Variants in ARID4B observed in about 807,000 individuals in gnomAD.
ARID4B encodes AT-rich interactive domain-containing protein 4B.
Under a neutral mutation model 147.5 loss-of-function variants are expected in ARID4B, and 26 were observed. That is an observed-to-expected ratio of 0.18 (90% CI 0.13 to 0.24). The LOEUF (loss-of-function observed/expected upper bound fraction) is 0.24, where lower values mean the gene tolerates loss of function less well. Among genes scored for constraint, ARID4B ranks in the 10% least tolerant of loss-of-function variants. The pLI, the probability that ARID4B is intolerant of heterozygous loss-of-function variation, is 1.00. For synonymous variants in ARID4B, 512 were observed against 507.9 expected (o/e 1.01, Z -0.11); for missense variants, 1,179 against 1,511.5 (o/e 0.78, Z 3.65).
intron 23 of ARID4B, among the ~76,000 whole-genome samples, chr1:235,169,366 C>A (rs1300534918): frequency 1.4e-5 from 2 of 144,390 alleles, no homozygotes; most frequent in Non-Finnish European, 3.0e-5. Context: ...TCAGCCCCCC[C>A]AGTAGCTGGG....
chr1:235,269,934 T>G (rs1264701245), intron 2 of ARID4B, among the ~76,000 whole-genome samples: 3 of 152,138 alleles, frequency 2.0e-5, no homozygotes, highest in African/African-American at 7.2e-5. Flanking sequence ...ATTTTTGTTT[T>G]TGTTTTTTGT....
intron 2 of ARID4B, among the ~76,000 whole-genome samples, chr1:235,309,283 CGCCCCA>C (rs1673837932): frequency 6.8e-6 from 1 of 146,636 alleles, no homozygotes; most frequent in African/African-American, 2.5e-5. Flanking sequence ...GCCCGGCAGC[CGCCCCA>C]TCTGAGAAGT....
At chr1:235,323,907 G>GTTT (rs1054376468) in intron 2 of ARID4B, among the ~76,000 whole-genome samples, 1 of 143,222 alleles carries the variant, frequency 7.0e-6, no homozygotes. Flanking sequence ...ATTTTATTTA[G>GTTT]TTTTTTTTTT....
chr1:235,314,029 A>G (rs915165976), intron 2 of ARID4B, among the ~76,000 whole-genome samples: 2 of 152,220 alleles, frequency 1.3e-5, no homozygotes, highest in African/African-American at 4.8e-5. Context: ...AATAGCTACA[A>G]TGTATTGAGA....
intron 23 of ARID4B, among the ~76,000 whole-genome samples, chr1:235,171,823 G>C (rs571033320): frequency 2.0e-5 from 3 of 152,056 alleles, no homozygotes; most frequent in Admixed American, 2.0e-4. Flanking sequence ...GTATTTTTTA[G>C]TAGAGACGGG....
chr1:235,301,066 T>A, intron 2 of ARID4B, among the ~76,000 whole-genome samples: 2 of 134,828 alleles, frequency 1.5e-5, no homozygotes, highest in Non-Finnish European at 3.2e-5. Context: ...TTTTTTTTAG[T>A]ATACAGACAG....
rs1664357416 is a variant in ARID4B, at chr1:235,182,158, C to T, written c.2761G>A (p.Ala921Thr). 1 of 1,614,126 alleles carries T rather than the reference C, an allele frequency of 6.2e-7. No individual in the cohort carries two copies. The highest frequency in any genetic ancestry group is 8.5e-7 in the Non-Finnish European group (1 of 1,180,012). The change falls in exon 20 of 24, where the codon GCC (alanine) becomes ACC (threonine). Residue 921 changes from alanine to threonine, a missense_variant. Ala to Thr is a moderately conservative substitution (Grantham distance 58, BLOSUM62 0). Coordinates refer to ENST00000264183, the MANE Select transcript of ARID4B (RefSeq NM_016374.6). The stretch of plus-strand genomic sequence containing the variant: ...GACCAGACATCTTTTCGATCTTTGG[C>T]CCTGCTGTTTTGAAGTCTTTCATCA... Reference protein sequence around the residue: ...NSDERLQNSRAKDRKDVWSSI... With the variant: ...NSDERLQNSRTKDRKDVWSSI...
At chr1:235,286,233 T>C (rs560341687) in intron 2 of ARID4B, among the ~76,000 whole-genome samples, 5 of 152,300 alleles carry the variant, frequency 3.3e-5, no homozygotes, top group Admixed American at 2.6e-4. Flanking sequence ...AGGGTCTCAC[T>C]ATGTTACCCA....
intron 2 of ARID4B, among the ~76,000 whole-genome samples, chr1:235,309,549 TG>T (rs1287172124): frequency 7.3e-5 from 10 of 136,468 alleles, no homozygotes; most frequent in Admixed American, 6.6e-4. Flanking sequence ...GGGAGGGAGG[TG>T]GGGGGGTCAG....
intron 17 of ARID4B, among the ~76,000 whole-genome samples, chr1:235,207,160 A>C (rs1666360499): frequency 6.6e-6 from 1 of 152,216 alleles, no homozygotes; most frequent in Non-Finnish European, 1.5e-5. Context: ...TCTTGTTTCT[A>C]TCTCTCAGTA....
chr1:235,290,299 G>A (rs893819017), intron 2 of ARID4B, among the ~76,000 whole-genome samples: 2 of 151,538 alleles, frequency 1.3e-5, no homozygotes, highest in Admixed American at 6.6e-5. Flanking sequence ...AAAACTTAGC[G>A]GGGCATGGTG....
chr1:235,310,696 C>A (rs1673986039), intron 2 of ARID4B, among the ~76,000 whole-genome samples: 1 of 152,150 alleles, frequency 6.6e-6, no homozygotes, highest in African/African-American at 2.4e-5. Flanking sequence ...AAAACGGGGT[C>A]TTGCTCTGTC....
At chr1:235,323,480 TG>T (rs1674991641) in intron 2 of ARID4B, among the ~76,000 whole-genome samples, 1 of 152,060 alleles carries the variant, frequency 6.6e-6, no homozygotes, top group African/African-American at 2.4e-5. Context: ...AAAAAAAGTT[TG>T]AGTTTAAAAA....
intron 2 of ARID4B, among the ~76,000 whole-genome samples, chr1:235,306,405 A>G (rs1193085402): frequency 2.0e-5 from 3 of 151,782 alleles, no homozygotes; most frequent in African/African-American, 7.3e-5. Context: ...CGGGAGGCTG[A>G]GCCAGGAGAA....
chr1:235,326,084 G>T (rs1321148312), intron 2 of ARID4B, among the ~76,000 whole-genome samples: 1 of 151,582 alleles, frequency 6.6e-6, no homozygotes, highest in African/African-American at 2.4e-5. Flanking sequence ...ATACAAGCTA[G>T]TGTCTAAGTT....
At position 235,223,195 on chromosome 1, in the gene ARID4B, G is replaced by T; in HGVS notation, c.1036C>A (p.Leu346Ile). ...RNLNLFKLFR[L>I]VHKLGGFDNI... The stretch of plus-strand genomic sequence containing the variant: ...TCAAATCCTCCAAGTTTGTGTACAA[G>T]TCTGAATAACTTAAAGAGATTCAAA... Residue 346 changes from leucine (L) to isoleucine (I), a missense_variant, in exon 13 of 24, where the codon CTT becomes ATT. Coordinates refer to ENST00000264183, the MANE Select transcript of ARID4B (RefSeq NM_016374.6). 7 of 1,587,012 alleles carry T rather than the reference G, an allele frequency of 4.4e-6. No homozygotes were observed. The highest frequency in any genetic ancestry group is 5.1e-6 in the Non-Finnish European group (6 of 1,165,594).
At chr1:235,288,250 A>T (rs1342993922) in intron 2 of ARID4B, among the ~76,000 whole-genome samples, 1 of 152,212 alleles carries the variant, frequency 6.6e-6, no homozygotes, top group Non-Finnish European at 1.5e-5. Flanking sequence ...CGGAGATTGC[A>T]GTAAGCTGAG....
intron 5 of ARID4B, 43 bp from the exon 6 acceptor site, chr1:235,252,852 C>T (rs1363832060): frequency 6.6e-7 from 1 of 1,514,810 alleles, no homozygotes; most frequent in Admixed American, 1.8e-5. Context: ...AGGATTTTTT[C>T]AAAGATCAAA....
chr1:235,200,496 G>A (rs1346390299), intron 17 of ARID4B, among the ~76,000 whole-genome samples: 1 of 151,978 alleles, frequency 6.6e-6, no homozygotes, highest in Non-Finnish European at 1.5e-5. Flanking sequence ...AACTCTACAT[G>A]AAAACCCCAT....
Sources: allele counts gnomAD v4.1 joint callset (sites outside exome capture counted in the v4.1 genomes callset), GRCh38; gene constraint gnomAD v4.1.1; transcripts MANE v1.5; gene names NCBI Gene and HGNC (gene_info 2026-07-23, HGNC 2026-07-21).